TCF20: variants seen among roughly 807,000 people sequenced by gnomAD.
TCF20 encodes SPRE-binding protein.
A neutral mutation model predicts 148.6 loss-of-function variants in TCF20; 3 were observed. That is an observed-to-expected ratio of 0.02 (90% CI 0.01 to 0.05). TCF20 has a LOEUF of 0.05. TCF20 is among the 10% of genes least tolerant of loss of function. The pLI is 1.00. For synonymous variants in TCF20, 1,049 were observed against 909.5 expected (o/e 1.15, Z -2.76); for missense variants, 2,350 against 2,429.3 (o/e 0.97, Z 0.69).
intron 1 of TCF20, among the ~76,000 whole-genome samples, chr22:42,252,692 G>A (rs1238077699): frequency 6.6e-6 from 1 of 152,060 alleles, no homozygotes; most frequent in East Asian, 1.9e-4. Flanking sequence ...CTCATGATCC[G>A]CTGCTCACCT....
chr22:42,180,785 C>T (rs997734361), intron 2 of TCF20, among the ~76,000 whole-genome samples: 6 of 152,200 alleles, frequency 3.9e-5, no homozygotes, highest in African/African-American at 1.4e-4. Flanking sequence ...CCTAATGCTT[C>T]ACGTGAAACT....
intron 1 of TCF20, among the ~76,000 whole-genome samples, chr22:42,252,890 T>C (rs1925494692): frequency 6.6e-6 from 1 of 152,142 alleles, no homozygotes; most frequent in South Asian, 2.1e-4. Flanking sequence ...ATAAAAATAC[T>C]GTTATAGTGA....
At chr22:42,293,989 G>A (rs1179086175) in intron 1 of TCF20, among the ~76,000 whole-genome samples, 1 of 152,208 alleles carries the variant, frequency 6.6e-6, no homozygotes, top group Non-Finnish European at 1.5e-5. Context: ...CACAAAGGGA[G>A]ACTCCGTCTC....
At chr22:42,330,739 T>C (rs546543689) in intron 1 of TCF20, among the ~76,000 whole-genome samples, 1 of 152,320 alleles carries the variant, frequency 6.6e-6, no homozygotes, top group African/African-American at 2.4e-5. Context: ...GAGCCCCTGA[T>C]CCAGCCCACA....
chr22:42,219,346 A>C (rs1922116890), intron 1 of TCF20, among the ~76,000 whole-genome samples: 1 of 128,644 alleles, frequency 7.8e-6, no homozygotes. Context: ...GGTGACAGTA[A>C]CCCTGTCTCA....
intron 1 of TCF20, among the ~76,000 whole-genome samples, chr22:42,217,463 C>A (rs766437404): frequency 5.9e-5 from 9 of 152,198 alleles, no homozygotes; most frequent in Non-Finnish European, 1.2e-4. Context: ...TCCAAACAGA[C>A]ACATATATGC....
chr22:42,210,683 C>G lies in TCF20; in HGVS notation c.4623G>C (p.Gly1541=). 18 of 1,614,212 alleles carry G rather than the reference C, an allele frequency of 1.1e-5. No individual in the cohort carries two copies. Among genetic ancestry groups the G allele is most frequent in the Non-Finnish European group, 1.4e-5 (17 of 1,180,040 alleles). ...KGYFPSGKKK[G]RPIGSVNKQK... ...GCTTATTCACACTACCAATGGGTCT[C>G]CCCTTCTTCTTTCCTGATGGGAAAT... Residue 1541 remains glycine (G), a synonymous_variant, in exon 2 of 6, where the codon GGG becomes GGC. Coordinates refer to ENST00000677622, the MANE Select transcript of TCF20 (RefSeq NM_001378418.1). This position sits in a 1 kb window ranked among gnomAD's most constrained non-coding sequence, Gnocchi z 4.7.
chr22:42,285,763 G>A (rs1025877189), upstream of TCF20, among the ~76,000 whole-genome samples: 6 of 151,844 alleles, frequency 4.0e-5, no homozygotes, highest in East Asian at 1.9e-4. This position sits in a 1 kb window ranked among gnomAD's most constrained non-coding sequence, Gnocchi z 4.2. Context: ...GTGAGCCACC[G>A]CACCCAGTTC....
chr22:42,288,981 C>A (rs1348533035), upstream of TCF20, among the ~76,000 whole-genome samples: 2 of 152,186 alleles, frequency 1.3e-5, no homozygotes, highest in African/African-American at 4.8e-5. Context: ...GGTTTCCTTG[C>A]CCTTAAGTGA....
At chr22:42,283,758 C>G (rs1352987981) in intron 1 of TCF20, among the ~76,000 whole-genome samples, 1 of 151,658 alleles carries the variant, frequency 6.6e-6, no homozygotes, top group East Asian at 1.9e-4. Flanking sequence ...GCGGAGCACC[C>G]GGCGGGCACG....
At chr22:42,258,396 T>TC (rs1202074632) in intron 1 of TCF20, among the ~76,000 whole-genome samples, 1 of 152,124 alleles carries the variant, frequency 6.6e-6, no homozygotes, top group Non-Finnish European at 1.5e-5. Context: ...AGAAGGATAT[T>TC]CTTACTACCC....
chr22:42,248,857 G>C (rs1387659945), intron 1 of TCF20, among the ~76,000 whole-genome samples: 1 of 152,202 alleles, frequency 6.6e-6, no homozygotes, highest in Admixed American at 6.5e-5. Flanking sequence ...AGATGCCTAT[G>C]GGTACCAAGT....
intron 1 of TCF20, among the ~76,000 whole-genome samples, chr22:42,251,426 C>T (rs1030077125): frequency 6.6e-6 from 1 of 151,856 alleles, no homozygotes; most frequent in Admixed American, 6.6e-5. Context: ...AAGCAATCTG[C>T]CCACCTTGGC....
chr22:42,293,426 A>T (rs961622142), intron 1 of TCF20, among the ~76,000 whole-genome samples: 1 of 152,216 alleles, frequency 6.6e-6, no homozygotes, highest in African/African-American at 2.4e-5. Context: ...GGAGGTGGGA[A>T]TTCCCATTTG....
chr22:42,216,632 T>C (rs925712135), intron 1 of TCF20, among the ~76,000 whole-genome samples: 9 of 152,216 alleles, frequency 5.9e-5, no homozygotes, highest in Admixed American at 1.3e-4. Flanking sequence ...CCAGCACCTT[T>C]ACCCGCCATG....
chr22:42,338,198 T>A lies in TCF20; in HGVS notation c.-37+5281A>T, dbSNP rs533784088. 3.9e-5 allele frequency among the ~76,000 whole-genome samples: 6 copies of A among 152,312 alleles called. No homozygotes were observed. Among genetic ancestry groups the A allele is most frequent in the Non-Finnish European group, 7.4e-5 (5 of 68,024 alleles). Reference sequence around the variant, plus strand: ...CCTGGATGTTCACGGTTCTGCAGCATGAGAAATCCCCTCGCAGCTGGGTCC... The same window carrying A: ...CCTGGATGTTCACGGTTCTGCAGCAAGAGAAATCCCCTCGCAGCTGGGTCC... On this transcript the variant is annotated intron_variant, in intron 1 of 1. Transcript: ENST00000515426. This position sits in a 1 kb window ranked among gnomAD's most constrained non-coding sequence, Gnocchi z 4.0.
At chr22:42,339,588 G>A (rs900595332) in intron 1 of TCF20, among the ~76,000 whole-genome samples, 7 of 152,232 alleles carry the variant, frequency 4.6e-5, no homozygotes, top group South Asian at 2.1e-4. Context: ...CCCACTCTGC[G>A]TCAGCATGTG....
chr22:42,262,943 T>C (rs1401579440), intron 1 of TCF20, among the ~76,000 whole-genome samples: 6 of 152,158 alleles, frequency 3.9e-5, no homozygotes, highest in African/African-American at 1.2e-4. Context: ...TCTTAGACAC[T>C]GGACTAAGAC....
intron 1 of TCF20, among the ~76,000 whole-genome samples, chr22:42,233,752 GA>G (rs960440381): frequency 3.3e-5 from 5 of 152,160 alleles, no homozygotes; most frequent in African/African-American, 1.2e-4. Flanking sequence ...AATCTGTGAG[GA>G]AAATTAATAC....
Sources: allele counts gnomAD v4.1 joint callset (sites outside exome capture counted in the v4.1 genomes callset), GRCh38; gene constraint gnomAD v4.1.1; non-coding constraint Gnocchi (gnomAD v3.1); transcripts MANE v1.5; gene names NCBI Gene and HGNC (gene_info 2026-07-23, HGNC 2026-07-21).